Variants in CNTNAP2 observed in about 807,000 individuals in gnomAD.
The protein encoded by CNTNAP2 is contactin-associated protein-like 2.
Under a neutral mutation model 155.2 loss-of-function variants are expected in CNTNAP2, and 98 were observed. That is an observed-to-expected ratio of 0.63 (90% CI 0.54 to 0.75). The LOEUF is 0.75. Among genes scored for constraint, CNTNAP2 ranks in the 30% least tolerant of loss-of-function variants. CNTNAP2 has a pLI of 0.00. For synonymous variants in CNTNAP2, 651 were observed against 631.2 expected (o/e 1.03, Z -0.47); for missense variants, 1,727 against 1,688.1 (o/e 1.02, Z -0.40).
intron 1 of CNTNAP2, among the ~76,000 whole-genome samples, chr7:146,592,499 C>T (rs1339740618): frequency 6.6e-6 from 1 of 152,184 alleles, no homozygotes; most frequent in Non-Finnish European, 1.5e-5. Flanking sequence ...AGTCTCTGCA[C>T]TGTAGTTATA....
rs865905987 is a variant in CNTNAP2, at chr7:146,476,955, A to G, written c.98-297316A>G. Among the ~76,000 whole-genome samples the G allele has an allele frequency of 3.3e-5, 5 of 152,202 alleles. No individual in the cohort carries two copies. In the South Asian group the frequency reaches 1.0e-3, roughly 31 times the overall value. ...AAAGGTAGAGAATAAAATTATGGAT[A>G]CTATCTTAGCAAGTTTTCTTATTTT... On this transcript the variant is annotated intron_variant, in intron 1 of 23. Coordinates refer to ENST00000361727, the MANE Select transcript of CNTNAP2 (RefSeq NM_014141.6).
At chr7:146,424,502 TATC>T (rs1796059972) in intron 1 of CNTNAP2, among the ~76,000 whole-genome samples, 2 of 152,204 alleles carry the variant, frequency 1.3e-5, no homozygotes, top group South Asian at 4.1e-4. Context: ...TTAGGATTTT[TATC>T]ATGGTTCAGC....
chr7:147,274,033 TACACACACAGAC>T (rs1470840861), intron 8 of CNTNAP2, among the ~76,000 whole-genome samples: 1 of 150,870 alleles, frequency 6.6e-6, no homozygotes, highest in Non-Finnish European at 1.5e-5. Context: ...ATATAATATA[TACACACACAGAC>T]ACACACACAA....
At chr7:146,305,032 A>C (rs2129089172) in intron 1 of CNTNAP2, among the ~76,000 whole-genome samples, 1 of 152,100 alleles carries the variant, frequency 6.6e-6, no homozygotes, top group East Asian at 1.9e-4. Context: ...ATCTTCAATC[A>C]CAGACACCTT....
intron 11 of CNTNAP2, among the ~76,000 whole-genome samples, chr7:147,534,278 C>G (rs553309368): frequency 9.2e-5 from 14 of 152,306 alleles, no homozygotes; most frequent in South Asian, 6.2e-4. Context: ...AATTTTCCAG[C>G]CCAAAACGTC....
intron 1 of CNTNAP2, among the ~76,000 whole-genome samples, chr7:146,727,969 A>G (rs1302286781): frequency 6.6e-6 from 1 of 152,030 alleles, no homozygotes; most frequent in Admixed American, 6.6e-5. Flanking sequence ...AAGATAAAGC[A>G]CCTGCTGTTA....
intron 8 of CNTNAP2, among the ~76,000 whole-genome samples, chr7:147,282,012 A>T (rs1189591260): frequency 1.3e-5 from 2 of 151,804 alleles, no homozygotes; most frequent in African/African-American, 2.4e-5. Flanking sequence ...TTCCAAAAGG[A>T]GGGAGGTTAG....
chr7:147,459,814 A>G (rs1797986611), intron 10 of CNTNAP2, among the ~76,000 whole-genome samples: 1 of 152,212 alleles, frequency 6.6e-6, no homozygotes, highest in Non-Finnish European at 1.5e-5. Context: ...TTACAGAAAC[A>G]GTCGGAAACT....
chr7:147,841,104 C>A (rs1219346142), intron 13 of CNTNAP2, among the ~76,000 whole-genome samples: 1 of 152,030 alleles, frequency 6.6e-6, no homozygotes, highest in East Asian at 1.9e-4. Context: ...AATTTTCACC[C>A]CCTGCCCCCA....
intron 20 of CNTNAP2, among the ~76,000 whole-genome samples, chr7:148,264,628 CA>C (rs1353631280): frequency 1.3e-5 from 2 of 152,086 alleles, no homozygotes; most frequent in Non-Finnish European, 2.9e-5. Context: ...CTATAATGAA[CA>C]TATATTATTT....
intron 10 of CNTNAP2, among the ~76,000 whole-genome samples, chr7:147,428,271 T>C (rs1325876180): frequency 6.6e-6 from 1 of 152,166 alleles, no homozygotes; most frequent in Non-Finnish European, 1.5e-5. Flanking sequence ...CCTTATAACC[T>C]ACTCAATAAA....
Position 148,369,181 on chromosome 7 carries a change from C to CT in CNTNAP2, c.3476-14438dup, listed in dbSNP as rs376460265. Among the ~76,000 whole-genome samples the CT allele has an allele frequency of 3.0e-4, 28 of 92,306 alleles. 2 individuals are homozygous for CT. The highest frequency in any genetic ancestry group is 1.2e-3 in the African/African-American group (25 of 21,436). The allele number at this position is 92,306 out of a possible 152,430, so 60.6% of individuals were successfully genotyped here. ...ATTTTTTTTAATTAAAATTGAATCC[C>CT]TTTTTTTTTTTTTTTTTTTTTTTTT... On this transcript the variant is annotated intron_variant, in intron 21 of 23. Transcript: ENST00000361727.
chr7:147,054,824 A>G (rs953827954), intron 4 of CNTNAP2, among the ~76,000 whole-genome samples: 1 of 152,170 alleles, frequency 6.6e-6, no homozygotes, highest in African/African-American at 2.4e-5. Flanking sequence ...TCTTACTCCT[A>G]TCAGAATAGT....
intron 8 of CNTNAP2, among the ~76,000 whole-genome samples, chr7:147,225,234 G>A (rs911968117): frequency 9.2e-5 from 14 of 152,292 alleles, no homozygotes; most frequent in African/African-American, 2.9e-4. Flanking sequence ...TCAATTATCA[G>A]TGGCCACTTG....
At chr7:147,785,569 G>T (rs1797726440) in intron 13 of CNTNAP2, among the ~76,000 whole-genome samples, 1 of 152,194 alleles carries the variant, frequency 6.6e-6, no homozygotes, top group African/African-American at 2.4e-5. Flanking sequence ...AGGAGGCTGT[G>T]ATAAGAGTTG....
chr7:146,846,854 G>T (rs1803851109), intron 3 of CNTNAP2, among the ~76,000 whole-genome samples: 1 of 151,996 alleles, frequency 6.6e-6, no homozygotes, highest in Admixed American at 6.6e-5. Flanking sequence ...ACAGTATATA[G>T]TTCTTCACAG....
chr7:146,894,262 T>C (rs1022924073), intron 3 of CNTNAP2, among the ~76,000 whole-genome samples: 2 of 152,182 alleles, frequency 1.3e-5, no homozygotes, highest in Non-Finnish European at 2.9e-5. Flanking sequence ...AATATTTCAG[T>C]GTTTTAGGAA....
chr7:148,126,265 C>A (rs571674701), intron 16 of CNTNAP2, among the ~76,000 whole-genome samples: 1 of 152,140 alleles, frequency 6.6e-6, no homozygotes, highest in African/African-American at 2.4e-5. Context: ...GCGAGGGTTA[C>A]GGAACATTAG....
At chr7:148,396,825 AAAAATT>A (rs1269945792) in intron 22 of CNTNAP2, among the ~76,000 whole-genome samples, 4 of 152,232 alleles carry the variant, frequency 2.6e-5, no homozygotes, top group African/African-American at 9.6e-5. Flanking sequence ...AAGACTTTTA[AAAAATT>A]AAAATCAGCT....
Sources: allele counts gnomAD v4.1 joint callset (sites outside exome capture counted in the v4.1 genomes callset), GRCh38; gene constraint gnomAD v4.1.1; transcripts MANE v1.5; gene names NCBI Gene and HGNC (gene_info 2026-07-23, HGNC 2026-07-21).